Variants in NCKAP5 observed in about 807,000 individuals in gnomAD.
NCKAP5 encodes NCK associated protein 5, also known as nck-associated protein 5.
NCKAP5 carries 92 observed loss-of-function variants against 167.0 expected under a neutral mutation model. That is an observed-to-expected ratio of 0.55 (90% CI 0.47 to 0.66). The LOEUF is 0.66. Ranked by LOEUF, NCKAP5 falls within the 30% of genes least tolerant of loss-of-function variation. The pLI, the probability that NCKAP5 is intolerant of heterozygous loss-of-function variation, is 0.00. For missense variants in NCKAP5, 2,378 were observed against 2,315.0 expected, an observed-to-expected ratio of 1.03 and a Z score of -0.56; for synonymous variants, 891 against 877.4, an observed-to-expected ratio of 1.02 and a Z score of -0.27.
chr2:133,258,185 G>A (rs188105878), intron 4 of NCKAP5, among the ~76,000 whole-genome samples: 7 of 152,272 alleles, frequency 4.6e-5, no homozygotes, highest in Admixed American at 4.6e-4. Flanking sequence ...AGACATCCCT[G>A]TCTCATTGGG....
At chr2:133,001,387 A>C (rs915347031) in intron 6 of NCKAP5, among the ~76,000 whole-genome samples, 34 of 151,834 alleles carry the variant, frequency 2.2e-4, no homozygotes, top group African/African-American at 8.0e-4. Flanking sequence ...GCCTGGCTAA[A>C]TTTTGTATTT....
intron 11 of NCKAP5, among the ~76,000 whole-genome samples, chr2:132,858,969 A>T (rs957686617): frequency 3.9e-5 from 6 of 152,226 alleles, no homozygotes; most frequent in African/African-American, 1.4e-4. Context: ...AAAATCAGGA[A>T]CATGCAACAG....
the NCKAP5 span, among the ~76,000 whole-genome samples, chr2:133,658,174 T>C: frequency 7.6e-6 from 1 of 131,772 alleles, no homozygotes; most frequent in Non-Finnish European, 1.5e-5. Flanking sequence ...CCCCAGCCAA[T>C]GGGAAGGAAA....
At chr2:132,804,783 C>A (rs971672391) in intron 11 of NCKAP5, among the ~76,000 whole-genome samples, 9 of 152,168 alleles carry the variant, frequency 5.9e-5, no homozygotes, top group African/African-American at 2.2e-4. Context: ...AGATGAAGAA[C>A]CCAAGATGAC....
intron 3 of NCKAP5, among the ~76,000 whole-genome samples, chr2:133,475,886 A>G (rs1043898899): frequency 5.3e-5 from 8 of 152,248 alleles, no homozygotes; most frequent in African/African-American, 1.9e-4. Context: ...TCACAGCATT[A>G]TAAATGGGAA....
chr2:133,090,760 T>A (rs899645841), intron 6 of NCKAP5, among the ~76,000 whole-genome samples: 1 of 150,340 alleles, frequency 6.7e-6, no homozygotes, highest in Non-Finnish European at 1.5e-5. Context: ...CTAAGACTTC[T>A]ACATTCTCTG....
chr2:133,184,839 A>C (rs1448227194), intron 5 of NCKAP5, among the ~76,000 whole-genome samples: 3 of 152,072 alleles, frequency 2.0e-5, no homozygotes, highest in Admixed American at 2.0e-4. Context: ...TAATTTGTTT[A>C]AGTTTCTTAT....
Position 132,719,371 on chromosome 2 carries a change from T to G in NCKAP5, c.5713+6256A>C, listed in dbSNP as rs564211194. 1.5e-4 allele frequency among the ~76,000 whole-genome samples: 19 copies of G among 123,010 alleles called. No homozygotes were observed. The East Asian group carries it at 5.8e-3, about 37-fold the overall frequency. The allele number at this position is 123,010 out of a possible 152,430, so 80.7% of individuals were successfully genotyped here. On this transcript the variant is annotated intron_variant, in intron 19 of 19. Coordinates refer to ENST00000409261, the MANE Select transcript of NCKAP5 (RefSeq NM_207363.3). ...GCAAAAGGACAACTGGGACCTCTCC[T>G]TGCTCTTGAAGTTGTTTTCAAAACC...
intron 6 of NCKAP5, among the ~76,000 whole-genome samples, chr2:133,047,874 A>G (rs899306445): frequency 6.6e-6 from 1 of 152,228 alleles, no homozygotes; most frequent in Non-Finnish European, 1.5e-5. Flanking sequence ...CTTTTAAAAA[A>G]TGCTTTGCAA....
At chr2:132,755,995 T>G (rs1406952589) in intron 16 of NCKAP5, among the ~76,000 whole-genome samples, 1 of 151,944 alleles carries the variant, frequency 6.6e-6, no homozygotes, top group African/African-American at 2.4e-5. Context: ...TAACTATCAT[T>G]AGTAGTATTA....
chr2:133,144,305 ATG>A (rs1191513068), intron 5 of NCKAP5, among the ~76,000 whole-genome samples: 12 of 152,102 alleles, frequency 7.9e-5, no homozygotes, highest in Admixed American at 5.9e-4. Context: ...ACATAGACTA[ATG>A]TGTGTGGATG....
At chr2:132,711,088 C>T (rs983676323) in intron 19 of NCKAP5, among the ~76,000 whole-genome samples, 30 of 152,250 alleles carry the variant, frequency 2.0e-4, no homozygotes, top group Admixed American at 7.2e-4. Flanking sequence ...TAAGCATGAG[C>T]AAAAACACTC....
At chr2:133,574,649 A>G in the NCKAP5 span, among the ~76,000 whole-genome samples, 1 of 142,628 alleles carries the variant, frequency 7.0e-6, no homozygotes, top group Non-Finnish European at 1.5e-5. Context: ...GCACATGTGC[A>G]CACACATAAT....
At chr2:133,647,384 G>GAAGGAAGAAAGA in the NCKAP5 span, among the ~76,000 whole-genome samples, 1 of 107,068 alleles carries the variant, frequency 9.3e-6, no homozygotes, top group East Asian at 2.8e-4. Context: ...AGAAAGGAAG[G>GAAGGAAGAAAGA]AAGGAAGGAA....
At chr2:133,093,796 T>C (rs1052346345) in intron 6 of NCKAP5, among the ~76,000 whole-genome samples, 1 of 152,226 alleles carries the variant, frequency 6.6e-6, no homozygotes, top group African/African-American at 2.4e-5. Context: ...GCATGAAATA[T>C]GCCAACTTAT....
At chr2:133,644,861 A>T in the NCKAP5 span, among the ~76,000 whole-genome samples, 18 of 152,226 alleles carry the variant, frequency 1.2e-4, no homozygotes, top group Admixed American at 1.2e-3. Context: ...CAAGACTAAT[A>T]ACTAAAGAAC....
Position 133,011,507 on chromosome 2 carries a change from T to C in NCKAP5, c.342-17268A>G, listed in dbSNP as rs765891009. On this transcript the variant is annotated intron_variant, in intron 6 of 19. Transcript: ENST00000409261. Reference sequence around the variant, plus strand: ...AACACGGTCCCCTAGGACTTAATTATCTATATCTTGTTAGGCTATAATAGG... The same window carrying C: ...AACACGGTCCCCTAGGACTTAATTACCTATATCTTGTTAGGCTATAATAGG... Among the ~76,000 whole-genome samples, 32 of 152,356 alleles carry C rather than the reference T, an allele frequency of 2.1e-4. 1 individual carries two copies. The highest frequency in any genetic ancestry group is 3.4e-3 in the Middle Eastern group (1 of 294).
chr2:133,267,632 T>C (rs2089307005), intron 4 of NCKAP5, among the ~76,000 whole-genome samples: 1 of 152,182 alleles, frequency 6.6e-6, no homozygotes, highest in Admixed American at 6.5e-5. Context: ...TAGCCTCATT[T>C]TGAATTTAAA....
At chr2:132,717,050 T>G (rs2105360811) in intron 19 of NCKAP5, among the ~76,000 whole-genome samples, 1 of 152,274 alleles carries the variant, frequency 6.6e-6, no homozygotes, top group South Asian at 2.1e-4. Flanking sequence ...CTGTGGATTT[T>G]CTGATGTTGG....
Sources: allele counts gnomAD v4.1 joint callset (sites outside exome capture counted in the v4.1 genomes callset), GRCh38; gene constraint gnomAD v4.1.1; transcripts MANE v1.5; gene names NCBI Gene and HGNC (gene_info 2026-07-23, HGNC 2026-07-21).